Variants in OSBPL9 observed in about 807,000 individuals in gnomAD.
OSBPL9 encodes oxysterol binding protein like 9.
OSBPL9 carries 40 observed loss-of-function variants against 106.6 expected under a neutral mutation model. That is an observed-to-expected ratio of 0.38 (90% CI 0.29 to 0.49). The LOEUF is 0.49. Among genes scored for constraint, OSBPL9 ranks in the 20% least tolerant of loss-of-function variants. The pLI is 0.97. For synonymous variants in OSBPL9, 269 were observed against 295.4 expected, an observed-to-expected ratio of 0.91 and a Z score of 0.92; for missense variants, 609 against 887.2, an observed-to-expected ratio of 0.69 and a Z score of 3.98.
intron 3 of OSBPL9, among the ~76,000 whole-genome samples, chr1:51,706,260 T>C (rs1224277665): frequency 6.6e-6 from 1 of 152,244 alleles, no homozygotes; most frequent in Non-Finnish European, 1.5e-5. Flanking sequence ...TACTTTCCTG[T>C]GGCCCAACCT....
intron 1 of OSBPL9, among the ~76,000 whole-genome samples, chr1:51,628,603 G>A (rs1167204375): frequency 6.6e-6 from 1 of 150,772 alleles, no homozygotes; most frequent in African/African-American, 2.4e-5. Context: ...AAAAAGAAAA[G>A]AGAAAAAGAA....
intron 4 of OSBPL9, among the ~76,000 whole-genome samples, chr1:51,728,077 A>G (rs1040051182): frequency 3.3e-5 from 5 of 152,244 alleles, no homozygotes; most frequent in African/African-American, 9.7e-5. Flanking sequence ...GGCAAATTAA[A>G]GGAGTTTGAA....
At chr1:51,781,099 G>GT (rs1439657849) in intron 15 of OSBPL9, 65 bp from the exon 16 acceptor site, 1 of 1,507,406 alleles carries the variant, frequency 6.6e-7, no homozygotes, top group Non-Finnish European at 9.1e-7. Context: ...CATGCTGGGG[G>GT]TTGTTGCATC....
At chr1:51,669,834 A>C (rs1360289779) in intron 3 of OSBPL9, 3 of 496,944 alleles carry the variant, frequency 6.0e-6, no homozygotes, top group Non-Finnish European at 1.2e-5. Flanking sequence ...CTTCTTTATC[A>C]AGGAGTATGG....
chr1:51,746,697 T>A lies in OSBPL9; in HGVS notation c.415-13T>A, dbSNP rs776929830. On this transcript the variant is annotated splice_polypyrimidine_tract_variant and intron_variant, in intron 5 of 23. Transcript: ENST00000428468. ...GTGGCTTGATACTATAACCATTTTT[T>A]AAAATCTTGTAGCTTTTTGATGACA... 6.9e-6 allele frequency: 11 copies of A among 1,597,642 alleles called. No individual in the cohort carries two copies. The highest frequency in any genetic ancestry group is 2.2e-5 in the South Asian group (2 of 89,224).
chr1:51,654,988 G>A (rs545404764), intron 2 of OSBPL9, among the ~76,000 whole-genome samples: 1 of 152,134 alleles, frequency 6.6e-6, no homozygotes, highest in African/African-American at 2.4e-5. Context: ...CTCTGGAGAT[G>A]GATGGTGATG....
At chr1:51,755,570 G>A (rs1206081350) in intron 8 of OSBPL9, among the ~76,000 whole-genome samples, 1 of 152,210 alleles carries the variant, frequency 6.6e-6, no homozygotes, top group Admixed American at 6.5e-5. Flanking sequence ...GGCAGTGGCA[G>A]CAAGCCACAG....
intron 4 of OSBPL9, among the ~76,000 whole-genome samples, chr1:51,722,162 A>ATAG (rs1557740000): frequency 3.6e-4 from 53 of 147,074 alleles, no homozygotes; most frequent in South Asian, 6.6e-4. Context: ...CTCTAAAATA[A>ATAG]ATAGATAGAT....
intron 1 of OSBPL9, among the ~76,000 whole-genome samples, chr1:51,645,461 G>T (rs991367076): frequency 6.6e-6 from 1 of 151,198 alleles, no homozygotes; most frequent in Non-Finnish European, 1.5e-5. Context: ...CACTTTCTTG[G>T]TAGTGTTTTT....
rs1678281476 is a variant in OSBPL9, at chr1:51,788,710, C to T, written c.*921C>T. Among the ~76,000 whole-genome samples, 1 of 151,992 alleles carries T rather than the reference C, an allele frequency of 6.6e-6. No individual in the cohort carries two copies. Among genetic ancestry groups the T allele is most frequent in the Non-Finnish European group, 1.5e-5 (1 of 68,006 alleles). ...ATTTTATCCAAAAATGTTTTATTGCCTTAGAGGGTTTGGGAAGAGTGTGTA... is the reference window on the plus strand; with the variant it reads ...ATTTTATCCAAAAATGTTTTATTGCTTTAGAGGGTTTGGGAAGAGTGTGTA... On this transcript the variant is annotated 3_prime_UTR_variant, in exon 24 of 24. Transcript: ENST00000428468.
chr1:51,707,729 C>G (rs560861301), intron 3 of OSBPL9: 1 of 182,710 alleles, frequency 5.5e-6, no homozygotes, highest in African/African-American at 2.4e-5. Flanking sequence ...TATTTTCTTA[C>G]TTCTCATGGT....
chr1:51,557,267 G>C, the OSBPL9 span, among the ~76,000 whole-genome samples: 1 of 152,166 alleles, frequency 6.6e-6, no homozygotes. Context: ...ACTTTGAATA[G>C]AGATAACTAT....
intron 12 of OSBPL9, among the ~76,000 whole-genome samples, chr1:51,767,583 A>G (rs1443618654): frequency 6.6e-6 from 1 of 152,164 alleles, no homozygotes; most frequent in Non-Finnish European, 1.5e-5. Context: ...GAAATAATTA[A>G]ATGTAAATTT....
chr1:51,705,393 ATATATATTTTTTTTTTTTT>A (rs1658257974), intron 3 of OSBPL9, among the ~76,000 whole-genome samples: 1 of 54,658 alleles, frequency 1.8e-5, no homozygotes, highest in African/African-American at 8.4e-5. Flanking sequence ...ATATATATAT[ATATATATTTTTTTTTTTTT>A]TTTTTTTTTT....
intron 1 of OSBPL9, among the ~76,000 whole-genome samples, chr1:51,642,146 A>T (rs1277828294): frequency 6.6e-6 from 1 of 152,188 alleles, no homozygotes; most frequent in Non-Finnish European, 1.5e-5. Context: ...ATAAGAATAG[A>T]AGCTTCAAAT....
At chr1:51,570,979 G>A in the OSBPL9 span, among the ~76,000 whole-genome samples, 2 of 151,908 alleles carry the variant, frequency 1.3e-5, no homozygotes, top group East Asian at 1.9e-4. Flanking sequence ...CCGCCACCAC[G>A]CCCGGCTAAT....
At chr1:51,728,473 G>C (rs1371714598) in intron 4 of OSBPL9, among the ~76,000 whole-genome samples, 1 of 152,124 alleles carries the variant, frequency 6.6e-6, no homozygotes, top group Non-Finnish European at 1.5e-5. Flanking sequence ...AATGGGGAAG[G>C]TGTCTAGGAG....
chr1:51,605,629 A>G (rs1643941406), intron 2 of OSBPL9, among the ~76,000 whole-genome samples: 2 of 152,214 alleles, frequency 1.3e-5, no homozygotes, highest in African/African-American at 2.4e-5. Context: ...TGGGAAGATA[A>G]ATGACACAAA....
intron 17 of OSBPL9, 42 bp downstream of exon 17, chr1:51,782,685 A>G (rs1571772065): frequency 3.2e-6 from 5 of 1,579,306 alleles, no homozygotes; most frequent in East Asian, 2.2e-5. Flanking sequence ...TCTCAAAACT[A>G]TTCTGTCTAA....
Sources: allele counts gnomAD v4.1 joint callset (sites outside exome capture counted in the v4.1 genomes callset), GRCh38; gene constraint gnomAD v4.1.1; transcripts MANE v1.5; gene names NCBI Gene and HGNC (gene_info 2026-07-23, HGNC 2026-07-21).